ASPA: variants seen among roughly 807,000 people sequenced by gnomAD.
ASPA encodes the protein ACY-2.
A neutral mutation model predicts 29.6 loss-of-function variants in ASPA; 25 were observed. The observed-to-expected ratio is 0.85, with a 90% CI of 0.62 to 1.18. ASPA has a LOEUF of 1.18. ASPA is among the 50% of genes most tolerant of loss of function. The probability of loss-of-function intolerance (pLI) is 0.00; values close to 1 mark genes in which losing one functional copy is unlikely to be tolerated. For missense variants in ASPA, 333 were observed against 385.7 expected (o/e 0.86, Z 1.14); for synonymous variants, 131 against 130.3 (o/e 1.01, Z -0.04).
In ASPA at chr17:3,502,890, G is replaced by A. The variant is rs1227349208; in HGVS notation, c.*3802G>A. On this transcript the variant is annotated 3_prime_UTR_variant, in exon 6 of 6. Coordinates refer to ENST00000263080, the MANE Select transcript of ASPA (RefSeq NM_000049.4). ...TTGGGCTCCAGCTGTTGCCAGCAGAGGTGGTGAAAGTCAACAACAGGGCAC... is the reference window on the plus strand; with the variant it reads ...TTGGGCTCCAGCTGTTGCCAGCAGAAGTGGTGAAAGTCAACAACAGGGCAC... 2 of 152,258 alleles carry A rather than the reference G, an allele frequency of 1.3e-5. No individual in the cohort carries two copies. Among genetic ancestry groups the A allele is most frequent in the Non-Finnish European group, 2.9e-5 (2 of 68,074 alleles). 9.4% of individuals were successfully genotyped at this position (152,258 alleles called of 1,614,324 possible). A position where few individuals can be genotyped will look rare whatever the true frequency, so the allele number is the denominator to read the frequency against.
chr17:3,497,962 G>A (rs181467246), intron 5 of ASPA, among the ~76,000 whole-genome samples: 1 of 152,216 alleles, frequency 6.6e-6, no homozygotes, highest in East Asian at 1.9e-4. Context: ...CAGCCATGGT[G>A]CTTGAGGGCT....
At chr17:3,487,121 T>TA (rs1409399341) in intron 3 of ASPA, among the ~76,000 whole-genome samples, 1 of 152,210 alleles carries the variant, frequency 6.6e-6, no homozygotes, top group Non-Finnish European at 1.5e-5. Context: ...TGCTTCTTTC[T>TA]AGGATAAGGT....
chr17:3,489,816 ACTT>A (rs1191967049), intron 4 of ASPA, among the ~76,000 whole-genome samples: 1 of 152,224 alleles, frequency 6.6e-6, no homozygotes, highest in Admixed American at 6.5e-5. Flanking sequence ...TACAGCATCC[ACTT>A]CTTAAAACAC....
At chr17:3,493,389 C>A (rs914743883) in intron 4 of ASPA, among the ~76,000 whole-genome samples, 6 of 151,826 alleles carry the variant, frequency 4.0e-5, no homozygotes, top group African/African-American at 1.2e-4. Flanking sequence ...GGTGAGACCC[C>A]ATCTCTACTA....
intron 3 of ASPA, among the ~76,000 whole-genome samples, chr17:3,484,658 G>T (rs2073688837): frequency 6.6e-6 from 1 of 152,180 alleles, no homozygotes; most frequent in Non-Finnish European, 1.5e-5. Context: ...ATTTAAAAAT[G>T]GATTTCTAGA....
At chr17:3,475,000 G>A (rs1220786694), upstream of ASPA, among the ~76,000 whole-genome samples, 2 of 152,196 alleles carry the variant, frequency 1.3e-5, no homozygotes, top group South Asian at 2.1e-4. Context: ...CCACCCTATC[G>A]TATAAAATTA....
rs2073797615 is a variant in ASPA at position 3,490,036 on chromosome 17, C to T, written c.634+694C>T. On this transcript the variant is annotated intron_variant, in intron 4 of 5. Coordinates refer to ENST00000263080, the MANE Select transcript of ASPA (RefSeq NM_000049.4). This position sits in a 1 kb window ranked among gnomAD's most constrained non-coding sequence, Gnocchi z 4.6. ...TAATTAGCAGAAAGCAAGTTGCAGA[C>T]CAAGACATTCAGTACACCAATTGGC... 1.3e-5 allele frequency among the ~76,000 whole-genome samples: 2 copies of T among 152,128 alleles called. No individual in the cohort carries two copies. Among genetic ancestry groups the T allele is most frequent in the Admixed American group, 6.6e-5 (1 of 15,264 alleles).
At chr17:3,497,177 T>C (rs2073923144) in intron 5 of ASPA, among the ~76,000 whole-genome samples, 1 of 152,180 alleles carries the variant, frequency 6.6e-6, no homozygotes. Context: ...TTCATGTGGC[T>C]CAGGTCTGGA....
Position 3,485,175 on chromosome 17 carries a change from C to T in ASPA, c.526+1583C>T, listed in dbSNP as rs1409336792. The stretch of plus-strand genomic sequence containing the variant: ...CTTGAACTACAGGCACGTGCCACCA[C>T]ATTCAGCTAATTTTTTATTTTTTGT... On this transcript the variant is annotated intron_variant, in intron 3 of 5. Transcript: ENST00000263080. This position sits in a 1 kb window ranked among gnomAD's most constrained non-coding sequence, Gnocchi z 4.4. Among the ~76,000 whole-genome samples the T allele has an allele frequency of 6.6e-6, 1 of 152,106 alleles. No homozygotes were observed. The highest frequency in any genetic ancestry group is 1.5e-5 in the Non-Finnish European group (1 of 68,028).
intron 5 of ASPA, 111 bp from the exon 6 acceptor site, chr17:3,498,780 C>G (rs2073951187): frequency 1.9e-6 from 2 of 1,078,252 alleles, no homozygotes; most frequent in Non-Finnish European, 2.5e-6. Context: ...GCTCAAGTAT[C>G]TCTTTTAAAA....
chr17:3,475,325 G>C (rs1372884709), upstream of ASPA: 2 of 152,270 alleles, frequency 1.3e-5, no homozygotes, highest in African/African-American at 4.8e-5. Context: ...AAGTTCACAT[G>C]ATGTGGTTAG....
intron 1 of ASPA, among the ~76,000 whole-genome samples, chr17:3,478,548 G>A (rs1329423818): frequency 6.6e-6 from 1 of 152,152 alleles, no homozygotes; most frequent in Non-Finnish European, 1.5e-5. Context: ...ATTTGTTGAA[G>A]GATAACTTTT....
rs769947909 is a variant in ASPA at position 3,489,311 on chromosome 17, T to C, written c.603T>C (p.His201=). ...ILDQMRKMIK[H]ALDFIHHFNE... ...ATCAAATGAGAAAAATGATTAAACATGCTCTTGATTTTATACATCATTTCA... is the reference window on the plus strand; with the variant it reads ...ATCAAATGAGAAAAATGATTAAACACGCTCTTGATTTTATACATCATTTCA... Residue 201 remains histidine, a synonymous_variant, in exon 4 of 6, where the codon CAT becomes CAC. Transcript: ENST00000263080. 9 of 1,613,196 alleles carry C rather than the reference T, an allele frequency of 5.6e-6. No homozygotes were observed. In the East Asian group the frequency reaches 2.0e-4, roughly 36 times the overall value.
In ASPA at chr17:3,488,810, A is replaced by G. The variant is rs927152622; in HGVS notation, c.527-425A>G. ...CTGGATTTCTGTGAAATCTATAAAA[A>G]TAGATGTCCTTCCTCCCGTCACAGC... On this transcript the variant is annotated intron_variant, in intron 3 of 5. Transcript: ENST00000263080. The surrounding 1 kb of genome is among the most constrained non-coding windows in gnomAD (Gnocchi z 6.1). Among the ~76,000 whole-genome samples the G allele has an allele frequency of 1.3e-5, 2 of 152,220 alleles. No individual in the cohort carries two copies. Among genetic ancestry groups the G allele is most frequent in the African/African-American group, 2.4e-5 (1 of 41,464 alleles).
At chr17:3,487,099 G>A (rs2150751788) in intron 3 of ASPA, among the ~76,000 whole-genome samples, 1 of 145,496 alleles carries the variant, frequency 6.9e-6, no homozygotes, top group East Asian at 2.2e-4. Flanking sequence ...CATAAGAGTG[G>A]CTGCAGCAAA....
At position 3,502,093 on chromosome 17, in the gene ASPA, C is replaced by T. The variant is rs116109217; in HGVS notation, c.*3005C>T. On this transcript the variant is annotated 3_prime_UTR_variant, in exon 6 of 6. Transcript: ENST00000263080. ...GTTGTTTTATTTTAAGAAATTGTCA[C>T]GGCCATCCCAACCCTCAGTGCCCAA... 6.6e-6 allele frequency: 1 copy of T among 152,188 alleles called. No homozygotes were observed. Among genetic ancestry groups the T allele is most frequent in the African/African-American group, 2.4e-5 (1 of 41,394 alleles). The allele number at this position is 152,188 out of a possible 1,614,324, so 9.4% of individuals were successfully genotyped here.
chr17:3,484,126 G>A (rs765907054), intron 3 of ASPA, among the ~76,000 whole-genome samples: 4 of 152,058 alleles, frequency 2.6e-5, no homozygotes, highest in African/African-American at 9.7e-5. Context: ...GTAATGCTTG[G>A]CCCTTCTATT....
chr17:3,489,223 T>C lies in ASPA; in HGVS notation c.527-12T>C. 3 of 1,528,280 alleles carry C rather than the reference T, an allele frequency of 2.0e-6. No individual in the cohort carries two copies. Among genetic ancestry groups the C allele is most frequent in the African/African-American group, 1.4e-5 (1 of 73,162 alleles). 94.7% of individuals were successfully genotyped at this position (1,528,280 alleles called of 1,614,324 possible). A position where few individuals can be genotyped will look rare whatever the true frequency, so the allele number is the denominator to read the frequency against. On this transcript the variant is annotated splice_polypyrimidine_tract_variant and intron_variant, in intron 3 of 5. Coordinates refer to ENST00000263080, the MANE Select transcript of ASPA (RefSeq NM_000049.4). ...CTTATATAAATGTGACTATCTCTCC[T>C]TCTGTACCTAGGTATAGAAGTTGGT...
chr17:3,489,827 C>T (rs1045251390), intron 4 of ASPA, among the ~76,000 whole-genome samples: 1 of 152,166 alleles, frequency 6.6e-6, no homozygotes, highest in Non-Finnish European at 1.5e-5. Context: ...CTTCTTAAAA[C>T]ACACCAATCT....
Sources: gnomAD v4.1 joint callset for allele counts (sites outside exome capture counted in the v4.1 genomes callset) on GRCh38, gnomAD v4.1.1 for gene constraint, Gnocchi (gnomAD v3.1) non-coding constraint, MANE v1.5 for transcripts, NCBI Gene and HGNC (gene_info 2026-07-23, HGNC 2026-07-21) for gene names.